The following RABEP1 variants were observed in gnomAD, a reference collection of about 807,000 sequenced individuals.
RABEP1 encodes the protein rabaptin, RAB GTPase binding effector protein 1.
In RABEP1, 51 loss-of-function variants were observed where a neutral mutation model predicts 123.4. The observed-to-expected ratio is 0.41, with a 90% CI of 0.33 to 0.52. The LOEUF (loss-of-function observed/expected upper bound fraction) is 0.52, where lower values mean the gene tolerates loss of function less well. Ranked by LOEUF, RABEP1 falls within the 20% of genes least tolerant of loss-of-function variation. The pLI, the probability that RABEP1 is intolerant of heterozygous loss-of-function variation, is 0.16. For synonymous variants in RABEP1, 347 were observed against 355.2 expected (o/e 0.98, Z 0.26); for missense variants, 888 against 996.3 (o/e 0.89, Z 1.46).
chr17:5,289,141 GCCCTCCCTTCCT>G (rs2075007552), intron 1 of RABEP1, among the ~76,000 whole-genome samples: 1 of 137,950 alleles, frequency 7.2e-6, no homozygotes, highest in Admixed American at 7.6e-5. Flanking sequence ...TTTTTTGCTT[GCCCTCCCTTCCT>G]CCCTCCCTTT....
chr17:5,287,623 A>C (rs1009174486), intron 1 of RABEP1, among the ~76,000 whole-genome samples: 13 of 114,850 alleles, frequency 1.1e-4, no homozygotes, highest in African/African-American at 4.3e-4. Flanking sequence ...AAAAAAAAAA[A>C]CCCAAAACAC....
intron 2 of RABEP1, among the ~76,000 whole-genome samples, chr17:5,309,744 G>T (rs1486360137): frequency 6.6e-6 from 1 of 152,118 alleles, no homozygotes; most frequent in Non-Finnish European, 1.5e-5. Flanking sequence ...CAGGGAAGGG[G>T]CTTACCTTCT....
At chr17:5,340,948 C>CAAAA (rs61580974) in intron 5 of RABEP1, among the ~76,000 whole-genome samples, 11 of 117,914 alleles carry the variant, frequency 9.3e-5, no homozygotes, top group African/African-American at 2.4e-4. Context: ...AACTCCGTCT[C>CAAAA]AAAAAAAAAA....
At chr17:5,333,717 T>C (rs6502860) in intron 3 of RABEP1, among the ~76,000 whole-genome samples, 93,290 of 152,024 alleles carry the variant, frequency 0.61, 30,344 homozygotes, top group East Asian at 0.97. Flanking sequence ...CCTGGTTTTG[T>C]ATTGGTTCCA....
At chr17:5,311,093 A>C (rs2075235443) in intron 2 of RABEP1, among the ~76,000 whole-genome samples, 3 of 152,142 alleles carry the variant, frequency 2.0e-5, no homozygotes, top group Admixed American at 6.5e-5. Flanking sequence ...TACAGGCGTG[A>C]GCCACCACAA....
intron 13 of RABEP1, among the ~76,000 whole-genome samples, chr17:5,375,231 AT>A (rs974136244): frequency 3.5e-5 from 4 of 115,856 alleles, no homozygotes; most frequent in African/African-American, 1.1e-4. Flanking sequence ...CATGACTGTT[AT>A]TTTTTATGTT....
intron 5 of RABEP1, among the ~76,000 whole-genome samples, chr17:5,344,244 C>T (rs1907870636): frequency 6.6e-6 from 1 of 152,074 alleles, no homozygotes; most frequent in African/African-American, 2.4e-5. Context: ...TTGAGACCAG[C>T]CTGGGCAACA....
chr17:5,314,235 T>TC (rs1491218601), intron 2 of RABEP1, among the ~76,000 whole-genome samples: 1 of 30,040 alleles, frequency 3.3e-5, no homozygotes, highest in Middle Eastern at 0.012. Flanking sequence ...GTACCTATTC[T>TC]TTTTTTTTTT....
At chr17:5,367,108 A>T (rs1024883069) in intron 11 of RABEP1, among the ~76,000 whole-genome samples, 1 of 151,732 alleles carries the variant, frequency 6.6e-6, no homozygotes, top group African/African-American at 2.4e-5. Context: ...AAAAAAATCA[A>T]ATTTATTAAT....
intron 2 of RABEP1, among the ~76,000 whole-genome samples, chr17:5,331,586 A>G (rs932136904): frequency 1.3e-5 from 2 of 152,204 alleles, no homozygotes; most frequent in African/African-American, 4.8e-5. Context: ...TGTGGAAGGT[A>G]ATGTACTAAT....
In RABEP1 at chr17:5,386,055, A is replaced by T. The variant is rs1454791598; in HGVS notation, c.*2832A>T. 2.2e-5 allele frequency: 13 copies of T among 589,502 alleles called. No homozygotes were observed. Among genetic ancestry groups the T allele is most frequent in the Non-Finnish European group, 3.9e-5 (13 of 335,672 alleles). 36.5% of individuals were successfully genotyped at this position (589,502 alleles called of 1,614,324 possible). A position where few individuals can be genotyped will look rare whatever the true frequency, so the allele number is the denominator to read the frequency against. On this transcript the variant is annotated 3_prime_UTR_variant, in exon 18 of 18. Transcript: ENST00000537505. ...AAATTTTAAATAAAAGCATTTACTCAATTATTATAAAACAACATATTTAAA... is the reference window on the plus strand; with the variant it reads ...AAATTTTAAATAAAAGCATTTACTCTATTATTATAAAACAACATATTTAAA...
chr17:5,342,881 G>T (rs1176585172), intron 5 of RABEP1, among the ~76,000 whole-genome samples: 1 of 152,186 alleles, frequency 6.6e-6, no homozygotes, highest in Non-Finnish European at 1.5e-5. Context: ...AAAACAGAAA[G>T]CCCAGAAACA....
intron 6 of RABEP1, among the ~76,000 whole-genome samples, chr17:5,347,408 TCAAAA>T (rs1204931295): frequency 7.4e-6 from 1 of 135,264 alleles, no homozygotes. Flanking sequence ...AGACTTCATC[TCAAAA>T]CAAACAAACA....
chr17:5,380,216 G>A, intron 15 of RABEP1, 148 bp from the exon 16 acceptor site: 1 of 597,150 alleles, frequency 1.7e-6, no homozygotes, highest in Non-Finnish European at 2.9e-6. Flanking sequence ...GAATACAGAG[G>A]GGATCCACAG....
At chr17:5,306,916 A>G (rs1003718912) in intron 1 of RABEP1, among the ~76,000 whole-genome samples, 2 of 152,244 alleles carry the variant, frequency 1.3e-5, no homozygotes, top group South Asian at 4.1e-4. Flanking sequence ...TTGTATGAGT[A>G]CCATAATAAA....
At chr17:5,294,950 GTAT>G (rs1164591226) in intron 1 of RABEP1, among the ~76,000 whole-genome samples, 1 of 151,430 alleles carries the variant, frequency 6.6e-6, no homozygotes, top group Non-Finnish European at 1.5e-5. Context: ...CCGGCCAACG[GTAT>G]TGTCTTTTTA....
intron 1 of RABEP1, among the ~76,000 whole-genome samples, chr17:5,294,340 C>T (rs1420178805): frequency 2.6e-5 from 4 of 151,936 alleles, no homozygotes; most frequent in African/African-American, 4.8e-5. Flanking sequence ...GCTGAGGTGG[C>T]GCCACTGCAC....
At chr17:5,339,518 C>T (rs1907391203) in intron 5 of RABEP1, among the ~76,000 whole-genome samples, 2 of 152,032 alleles carry the variant, frequency 1.3e-5, no homozygotes, top group South Asian at 2.1e-4. Context: ...TAAAAGAAGC[C>T]TGGGCGCGGT....
intron 2 of RABEP1, among the ~76,000 whole-genome samples, chr17:5,325,598 A>G (rs1211733161): frequency 6.6e-6 from 1 of 152,084 alleles, no homozygotes; most frequent in East Asian, 1.9e-4. Context: ...AATAAGACCT[A>G]GTGTTAAACA....
Sources: allele counts gnomAD v4.1 joint callset (sites outside exome capture counted in the v4.1 genomes callset), GRCh38; gene constraint gnomAD v4.1.1; transcripts MANE v1.5; gene names NCBI Gene and HGNC (gene_info 2026-07-23, HGNC 2026-07-21).